Variants in HORMAD2 observed in about 807,000 individuals in gnomAD.
HORMAD2 encodes the protein HORMA domain containing 2.
HORMAD2 carries 45 observed loss-of-function variants against 38.8 expected under a neutral mutation model. The observed-to-expected ratio is 1.16, with a 90% CI of 0.91 to 1.49. The LOEUF (loss-of-function observed/expected upper bound fraction) is 1.49. Ranked by LOEUF, HORMAD2 falls within the 40% of genes most tolerant of loss-of-function variation. The probability of loss-of-function intolerance (pLI) is 0.00; values close to 1 mark genes in which losing one functional copy is unlikely to be tolerated. For missense variants in HORMAD2, 338 were observed against 367.0 expected, an observed-to-expected ratio of 0.92 and a Z score of 0.65; for synonymous variants, 126 against 122.8, an observed-to-expected ratio of 1.03 and a Z score of -0.17.
chr22:30,105,582 A>G (rs1171701991), intron 5 of HORMAD2, among the ~76,000 whole-genome samples: 1 of 152,194 alleles, frequency 6.6e-6, no homozygotes, highest in African/African-American at 2.4e-5. Context: ...ATACATTTCT[A>G]TTTCCACTGC....
Position 30,098,970 on chromosome 22 carries a change from C to CCA in HORMAD2, c.170_171insCA (p.Tyr58IlefsTer12), listed in dbSNP as rs1920926948. The CCA allele has an allele frequency of 6.2e-7, 1 of 1,610,358 alleles. No individual in the cohort carries two copies. Among genetic ancestry groups the CCA allele is most frequent in the African/African-American group, 1.3e-5 (1 of 74,734 alleles). ...CTAAGGGGCCTGTTTCCAGAGAGCT[C>CCA]TTATGGAGAACGCCATTTGGATGGT... On this transcript the variant is annotated frameshift_variant, in exon 3 of 11. Coordinates refer to ENST00000336726, the MANE Select transcript of HORMAD2 (RefSeq NM_152510.4). LOFTEE classifies it high-confidence loss of function.
intron 10 of HORMAD2, among the ~76,000 whole-genome samples, chr22:30,158,548 TCCTC>T (rs1183116792): frequency 5.9e-5 from 7 of 117,978 alleles, no homozygotes; most frequent in Admixed American, 1.7e-4. Flanking sequence ...CTTCCTTCCT[TCCTC>T]CCTCCCCTCC....
Position 30,092,685 on chromosome 22 carries a change from G to A in HORMAD2, c.-37-1231G>A, listed in dbSNP as rs150555780. Among the ~76,000 whole-genome samples, 134 of 151,906 alleles carry A rather than the reference G, an allele frequency of 8.8e-4. 1 individual carries two copies. The highest frequency in any genetic ancestry group is 3.1e-3 in the African/African-American group (129 of 41,436). On this transcript the variant is annotated intron_variant, in intron 1 of 10. Transcript: ENST00000336726. Reference sequence around the variant, plus strand: ...ATTTTTGTATATGGTGAGAGACAGGGGTCTCTCATTCTTCTGCTGTGGATA... The same window carrying A: ...ATTTTTGTATATGGTGAGAGACAGGAGTCTCTCATTCTTCTGCTGTGGATA...
downstream of HORMAD2, among the ~76,000 whole-genome samples, chr22:30,180,890 C>T (rs1297552041): frequency 7.1e-6 from 1 of 140,206 alleles, no homozygotes; most frequent in Non-Finnish European, 1.5e-5. Context: ...TTCCCTTTCC[C>T]TTCCTTCCCT....
intron 10 of HORMAD2, among the ~76,000 whole-genome samples, chr22:30,169,780 T>G (rs1926000055): frequency 6.6e-6 from 1 of 152,180 alleles, no homozygotes; most frequent in Non-Finnish European, 1.5e-5. Flanking sequence ...TCTCACTCCC[T>G]CAACTTCTTC....
chr22:30,168,381 A>G (rs899367527), intron 10 of HORMAD2, among the ~76,000 whole-genome samples: 27 of 152,152 alleles, frequency 1.8e-4, no homozygotes, highest in African/African-American at 6.3e-4. Context: ...TTTTGTCCCA[A>G]GTGAATACTT....
chr22:30,093,325 A>G (rs1486030730), intron 1 of HORMAD2, among the ~76,000 whole-genome samples: 1 of 152,168 alleles, frequency 6.6e-6, no homozygotes, highest in Admixed American at 6.5e-5. Flanking sequence ...AAGTATAAAC[A>G]TTAACTTCTG....
At chr22:30,136,684 C>T (rs9614147) in intron 10 of HORMAD2, 23,653 of 154,836 alleles carry the variant, frequency 0.15, 1,910 homozygotes, top group South Asian at 0.26. Context: ...TAAACAGATT[C>T]GTGGACCGAT....
intron 1 of HORMAD2, among the ~76,000 whole-genome samples, chr22:30,085,141 G>A (rs534151420): frequency 8.8e-5 from 13 of 147,368 alleles, no homozygotes; most frequent in Middle Eastern, 3.6e-3. Flanking sequence ...GCCAGACTCC[G>A]TCTCAAAAAA....
intron 10 of HORMAD2, among the ~76,000 whole-genome samples, chr22:30,162,374 C>T (rs532552891): frequency 6.6e-6 from 1 of 151,982 alleles, no homozygotes; most frequent in Non-Finnish European, 1.5e-5. Flanking sequence ...ATACAGCAGC[C>T]ACTAGCCACA....
intron 10 of HORMAD2, among the ~76,000 whole-genome samples, chr22:30,149,972 G>T (rs1352770484): frequency 1.3e-5 from 2 of 151,944 alleles, no homozygotes; most frequent in African/African-American, 2.4e-5. Context: ...TTTCCTCAGG[G>T]TTCTGAAATT....
intron 10 of HORMAD2, among the ~76,000 whole-genome samples, chr22:30,139,870 T>G (rs1923951211): frequency 6.6e-6 from 1 of 152,164 alleles, no homozygotes; most frequent in Non-Finnish European, 1.5e-5. Flanking sequence ...TTTGATATAA[T>G]GTATTACATT....
intron 10 of HORMAD2, among the ~76,000 whole-genome samples, chr22:30,163,721 C>A (rs1925597269): frequency 6.6e-6 from 1 of 152,182 alleles, no homozygotes. Flanking sequence ...AACCACCACG[C>A]CCGGCCATGT....
At chr22:30,082,379 G>A (rs2146047814) in intron 1 of HORMAD2, among the ~76,000 whole-genome samples, 1 of 152,248 alleles carries the variant, frequency 6.6e-6, no homozygotes, top group African/African-American at 2.4e-5. Flanking sequence ...ACTTGGAATG[G>A]TTAAAAAAGT....
At chr22:30,104,537 A>G in intron 5 of HORMAD2, 100 bp downstream of exon 5, 1 of 959,368 alleles carries the variant, frequency 1.0e-6, no homozygotes, top group Non-Finnish European at 1.6e-6. Context: ...TTAACAGTAT[A>G]AGTGTCTACG....
chr22:30,121,749 T>C lies in HORMAD2; in HGVS notation c.528T>C (p.Asn176=), dbSNP rs1294608029. ...ILMQDLEPLP[N]NVVLTMKLHY... ...TGCAGGACCTTGAGCCACTTCCTAA[T>C]AATGTTGTACTTACTATGAAACTCC... Residue 176 remains asparagine (N), a synonymous_variant, in exon 9 of 11, where the codon AAT becomes AAC. Transcript: ENST00000336726. 1.5e-5 allele frequency: 24 copies of C among 1,612,806 alleles called. No individual in the cohort carries two copies. The highest frequency in any genetic ancestry group is 2.0e-5 in the Non-Finnish European group (23 of 1,179,348).
At chr22:30,186,337 T>A in the HORMAD2 span, among the ~76,000 whole-genome samples, 2 of 149,864 alleles carry the variant, frequency 1.3e-5, no homozygotes, top group African/African-American at 4.9e-5. Context: ...AGGAGACCCC[T>A]CCTCCCTCCC....
At chr22:30,088,072 C>G (rs976782468) in intron 1 of HORMAD2, among the ~76,000 whole-genome samples, 4 of 148,284 alleles carry the variant, frequency 2.7e-5, no homozygotes, top group Admixed American at 6.8e-5. Context: ...TATACACACA[C>G]GTACACACGT....
rs1923569305 is a variant in HORMAD2 at position 30,135,163 on chromosome 22, A to C, written c.819+12949A>C. ...CGTGTAAAATTTCAGAAGAGAGGTA[A>C]AAACCCTATATTAGAATGACCAAAT... On this transcript the variant is annotated intron_variant, in intron 10 of 10. Coordinates refer to ENST00000336726, the MANE Select transcript of HORMAD2 (RefSeq NM_152510.4). Among the ~76,000 whole-genome samples the C allele has an allele frequency of 2.6e-5, 4 of 152,150 alleles. No individual in the cohort carries two copies. The South Asian group carries it at 6.2e-4, about 24-fold the overall frequency.
Sources: gnomAD v4.1 joint callset for allele counts (sites outside exome capture counted in the v4.1 genomes callset) on GRCh38, gnomAD v4.1.1 for gene constraint, MANE v1.5 for transcripts, NCBI Gene and HGNC (gene_info 2026-07-23, HGNC 2026-07-21) for gene names.